TBC1D5: variants seen among roughly 807,000 people sequenced by gnomAD.
TBC1D5 encodes TBC1 domain family member 5.
A neutral mutation model predicts 100.3 loss-of-function variants in TBC1D5; 75 were observed. That is an observed-to-expected ratio of 0.75 (90% CI 0.62 to 0.91). TBC1D5 has a LOEUF of 0.91. Among genes scored for constraint, TBC1D5 ranks in the 40% least tolerant of loss-of-function variants. The pLI, the probability that TBC1D5 is intolerant of heterozygous loss-of-function variation, is 0.00. For synonymous variants in TBC1D5, 323 were observed against 325.6 expected, an observed-to-expected ratio of 0.99 and a Z score of 0.09; for missense variants, 910 against 942.4, an observed-to-expected ratio of 0.97 and a Z score of 0.45.
At chr3:17,573,433 T>G (rs1445602022) in intron 2 of TBC1D5, among the ~76,000 whole-genome samples, 1 of 152,202 alleles carries the variant, frequency 6.6e-6, no homozygotes, top group Non-Finnish European at 1.5e-5. Flanking sequence ...ATTCCTGTAG[T>G]AGATCACAAT....
At chr3:17,695,562 T>C (rs1359390452) in intron 1 of TBC1D5, among the ~76,000 whole-genome samples, 1 of 152,126 alleles carries the variant, frequency 6.6e-6, no homozygotes, top group Non-Finnish European at 1.5e-5. Flanking sequence ...CCTAAATATA[T>C]ATACACCCAA....
chr3:17,352,687 A>AAAAAAC (rs1559699683), intron 13 of TBC1D5, among the ~76,000 whole-genome samples: 1 of 150,578 alleles, frequency 6.6e-6, no homozygotes, highest in African/African-American at 2.4e-5. Flanking sequence ...AAAAGGCAAA[A>AAAAAAC]AAAAAAAAAA....
chr3:17,215,305 G>A (rs1441219168), intron 17 of TBC1D5, among the ~76,000 whole-genome samples: 1 of 152,140 alleles, frequency 6.6e-6, no homozygotes, highest in Non-Finnish European at 1.5e-5. Context: ...ATGACTTGGT[G>A]GTGAGAGGTG....
intron 1 of TBC1D5, among the ~76,000 whole-genome samples, chr3:17,648,132 C>T (rs2065180012): frequency 6.6e-6 from 1 of 152,096 alleles, no homozygotes. Context: ...CAAAAACAGG[C>T]ACGCAGACCA....
At chr3:17,347,581 C>T (rs17043444) in intron 13 of TBC1D5, among the ~76,000 whole-genome samples, 1 of 151,684 alleles carries the variant, frequency 6.6e-6, no homozygotes, top group African/African-American at 2.4e-5. Flanking sequence ...AATAAACATG[C>T]CTCACTTTCT....
At chr3:17,528,613 C>T (rs747977459) in intron 2 of TBC1D5, among the ~76,000 whole-genome samples, 1 of 152,078 alleles carries the variant, frequency 6.6e-6, no homozygotes, top group Non-Finnish European at 1.5e-5. Context: ...TTTTGTTCTA[C>T]TCCTCTTTCA....
chr3:17,182,869 G>T (rs1378542913), intron 19 of TBC1D5, among the ~76,000 whole-genome samples: 1 of 150,976 alleles, frequency 6.6e-6, no homozygotes, highest in Non-Finnish European at 1.5e-5. Context: ...AATGAGTTGT[G>T]TTTTTTTTTA....
At chr3:17,251,569 G>A (rs766704460) in intron 16 of TBC1D5, among the ~76,000 whole-genome samples, 3 of 152,068 alleles carry the variant, frequency 2.0e-5, no homozygotes, top group Non-Finnish European at 4.4e-5. Context: ...GAAAGAGGAT[G>A]CAAAGATGAC....
intron 1 of TBC1D5, among the ~76,000 whole-genome samples, chr3:17,629,315 G>T (rs60803166): frequency 1.3e-5 from 2 of 151,982 alleles, no homozygotes; most frequent in Non-Finnish European, 1.5e-5. Flanking sequence ...GATTAATGTA[G>T]TATAATCTAA....
intron 8 of TBC1D5, among the ~76,000 whole-genome samples, chr3:17,389,902 AC>A (rs2093299079): frequency 6.6e-6 from 1 of 152,100 alleles, no homozygotes; most frequent in African/African-American, 2.4e-5. Context: ...AAATGGTAAA[AC>A]TATAATTCTA....
intron 3 of TBC1D5, among the ~76,000 whole-genome samples, chr3:17,443,518 T>G (rs1348264792): frequency 6.6e-6 from 1 of 152,212 alleles, no homozygotes; most frequent in Non-Finnish European, 1.5e-5. Flanking sequence ...AAATCCTGCT[T>G]GTAACAAAGG....
chr3:17,172,534 TAC>T (rs1284458030), intron 19 of TBC1D5, among the ~76,000 whole-genome samples: 27 of 152,362 alleles, frequency 1.8e-4, no homozygotes, highest in African/African-American at 5.8e-4. Context: ...AAAGGAAGAT[TAC>T]ACTCTTTATA....
chr3:17,525,190 C>T (rs569425624), intron 2 of TBC1D5, among the ~76,000 whole-genome samples: 37 of 152,116 alleles, frequency 2.4e-4, no homozygotes, highest in African/African-American at 7.5e-4. Flanking sequence ...AGTGCAATGA[C>T]GCGATCTCGG....
At chr3:17,321,546 T>G (rs1225304683) in intron 13 of TBC1D5, among the ~76,000 whole-genome samples, 3 of 152,240 alleles carry the variant, frequency 2.0e-5, no homozygotes, top group African/African-American at 7.2e-5. Context: ...AATTCACACA[T>G]TTTTATTTCT....
chr3:17,280,897 G>A (rs930502442), intron 15 of TBC1D5, among the ~76,000 whole-genome samples: 1 of 152,190 alleles, frequency 6.6e-6, no homozygotes, highest in Non-Finnish European at 1.5e-5. Context: ...GCTTCAGGGT[G>A]GGGGAGTGGG....
chr3:17,559,209 CG>C (rs2096541575), intron 2 of TBC1D5, among the ~76,000 whole-genome samples: 1 of 151,624 alleles, frequency 6.6e-6, no homozygotes, highest in African/African-American at 2.4e-5. Context: ...AGTGGCATCT[CG>C]GTTCCCTGCA....
intron 1 of TBC1D5, among the ~76,000 whole-genome samples, chr3:17,686,612 G>T (rs1264788790): frequency 6.6e-6 from 1 of 152,136 alleles, no homozygotes; most frequent in Non-Finnish European, 1.5e-5. Context: ...TGGCAGGAAA[G>T]ATCCACATTT....
intron 2 of TBC1D5, among the ~76,000 whole-genome samples, chr3:17,593,441 T>C (rs977444937): frequency 2.0e-5 from 3 of 152,130 alleles, no homozygotes; most frequent in Non-Finnish European, 2.9e-5. Flanking sequence ...AGACCAACAC[T>C]GAGCCCTCGA....
intron 13 of TBC1D5, among the ~76,000 whole-genome samples, chr3:17,314,125 C>T (rs283948): frequency 1.1e-4 from 17 of 151,954 alleles, no homozygotes; most frequent in Non-Finnish European, 2.1e-4. Flanking sequence ...TCCAGAGAAA[C>T]GCACTGATAA....
Sources: gnomAD v4.1 joint callset for allele counts (sites outside exome capture counted in the v4.1 genomes callset) on GRCh38, gnomAD v4.1.1 for gene constraint, MANE v1.5 for transcripts, NCBI Gene and HGNC (gene_info 2026-07-23, HGNC 2026-07-21) for gene names.